The following BICRAL variants were observed in gnomAD, a reference collection of about 807,000 sequenced individuals.
The protein encoded by BICRAL is BICRA like chromatin remodeling complex associated protein.
BICRAL carries 8 observed loss-of-function variants against 91.8 expected under a neutral mutation model. That is an observed-to-expected ratio of 0.09 (90% CI 0.05 to 0.16). The LOEUF is 0.16. Ranked by LOEUF, BICRAL falls within the 10% of genes least tolerant of loss-of-function variation. The probability of loss-of-function intolerance (pLI) is 1.00; values close to 1 mark genes in which losing one functional copy is unlikely to be tolerated. For synonymous variants in BICRAL, 445 were observed against 491.1 expected (o/e 0.91, Z 1.24); for missense variants, 1,038 against 1,310.9 (o/e 0.79, Z 3.21).
In BICRAL at chr6:42,801,891, T is replaced by A. The variant is rs201053889; in HGVS notation, c.-101-8415T>A. Among the ~76,000 whole-genome samples the A allele has an allele frequency of 3.7e-3, 236 of 64,370 alleles. 1 individual carries two copies. The highest frequency in any genetic ancestry group is 0.014 in the African/African-American group (222 of 16,120). 42.2% of individuals were successfully genotyped at this position (64,370 alleles called of 152,430 possible). On this transcript the variant is annotated intron_variant, in intron 1 of 12. Transcript: ENST00000314073. ...GAGTGAGACTCCATCTCAAAAAAAA[T>A]AAATAAAAATAAAATGTTCCCTAAA...
At chr6:42,759,621 G>A (rs1261358422) in intron 1 of BICRAL, among the ~76,000 whole-genome samples, 1 of 152,160 alleles carries the variant, frequency 6.6e-6, no homozygotes, top group Admixed American at 6.5e-5. Context: ...GAACCTGGAG[G>A]AGAAGGTTTG....
chr6:42,860,099 G>A (rs1393697418), intron 10 of BICRAL, among the ~76,000 whole-genome samples, 163 bp from the exon 11 acceptor site: 3 of 152,230 alleles, frequency 2.0e-5, no homozygotes, highest in Non-Finnish European at 4.4e-5. Flanking sequence ...CAGTGTAGAA[G>A]GATGATGCTT....
At chr6:42,786,978 A>G (rs936215514) in intron 1 of BICRAL, among the ~76,000 whole-genome samples, 19 of 152,270 alleles carry the variant, frequency 1.2e-4, no homozygotes, top group Admixed American at 8.5e-4. Context: ...AGGGGTTTTA[A>G]TTTGGGCAGT....
In BICRAL at chr6:42,793,122, A is replaced by ATTTTTT. The variant is rs1159342197; in HGVS notation, c.-102+11055_-102+11060dup. ...AAGCGCATGCCACCATGCCCAGCTAATTTTTTTTTTTTTTTTTTTTTTTTT... is the reference window on the plus strand; with the variant it reads ...AAGCGCATGCCACCATGCCCAGCTAATTTTTTTTTTTTTTTTTTTTTTTTTTTTTTT... On this transcript the variant is annotated intron_variant, in intron 1 of 12. Coordinates refer to ENST00000314073, the MANE Select transcript of BICRAL (RefSeq NM_001393499.1). Among the ~76,000 whole-genome samples the ATTTTTT allele has an allele frequency of 1.5e-3, 57 of 37,254 alleles. 17 individuals are homozygous for ATTTTTT. The highest frequency in any genetic ancestry group is 2.1e-3 in the Non-Finnish European group (44 of 20,498). The allele number at this position is 37,254 out of a possible 152,430, so 24.4% of individuals were successfully genotyped here. A position where few individuals can be genotyped will look rare whatever the true frequency, so the allele number is the denominator to read the frequency against.
intron 6 of BICRAL, among the ~76,000 whole-genome samples, chr6:42,835,364 G>A (rs1764609147): frequency 6.6e-6 from 1 of 151,748 alleles, no homozygotes; most frequent in Non-Finnish European, 1.5e-5. Context: ...CCTGACCTCT[G>A]GTGATCCACC....
At chr6:42,793,596 T>A (rs978224635) in intron 1 of BICRAL, among the ~76,000 whole-genome samples, 10 of 151,382 alleles carry the variant, frequency 6.6e-5, no homozygotes, top group African/African-American at 2.2e-4. Flanking sequence ...ACCAGGTTGG[T>A]TTATTCTTAT....
intron 6 of BICRAL, among the ~76,000 whole-genome samples, chr6:42,850,729 C>G (rs921162737): frequency 2.0e-5 from 3 of 151,802 alleles, no homozygotes; most frequent in Non-Finnish European, 4.4e-5. Flanking sequence ...ACTAAAAATA[C>G]AAAAGATAGC....
chr6:42,809,430 A>ATTTTTTTTTT (rs989054840), intron 1 of BICRAL, among the ~76,000 whole-genome samples: 2 of 111,946 alleles, frequency 1.8e-5, no homozygotes, highest in Non-Finnish European at 1.8e-5. Context: ...AACTATGAGA[A>ATTTTTTTTTT]TTTTTTTTTT....
chr6:42,814,979 C>T (rs192392040), intron 2 of BICRAL, among the ~76,000 whole-genome samples: 165 of 149,194 alleles, frequency 1.1e-3, no homozygotes, highest in African/African-American at 3.8e-3. Context: ...GGTGCAATCT[C>T]AGCTCATTGC....
chr6:42,847,909 C>T (rs1381846596), intron 6 of BICRAL, among the ~76,000 whole-genome samples: 1 of 152,190 alleles, frequency 6.6e-6, no homozygotes, highest in Admixed American at 6.6e-5. Flanking sequence ...GCGGGCGGAT[C>T]ATGAGGTCAG....
chr6:42,855,806 T>C (rs777561216), intron 8 of BICRAL, 50 bp from the exon 9 acceptor site: 10 of 1,408,880 alleles, frequency 7.1e-6, no homozygotes, highest in Non-Finnish European at 1.0e-5. Context: ...TGTATAACTG[T>C]ATTCTTTTTT....
chr6:42,753,254 G>A (rs891509226), intron 1 of BICRAL, among the ~76,000 whole-genome samples: 1 of 152,014 alleles, frequency 6.6e-6, no homozygotes, highest in African/African-American at 2.4e-5. Flanking sequence ...TGTAGAGACA[G>A]GGTCTTGCTG....
In BICRAL at chr6:42,829,101, T is replaced by C. The variant is rs1344567705; in HGVS notation, c.768T>C (p.His256=). The part of the protein sequence containing the change: ...PSNVSGGLLV[H]RQTPNGNSLF... ...ATGTGAGTGGAGGGCTCCTGGTTCA[T>C]AGACAGACTCCTAATGGCAACTCCT... Residue 256 remains histidine (H), a synonymous_variant, in exon 6 of 13, where the codon CAT becomes CAC. Transcript: ENST00000314073. 1.2e-6 allele frequency: 2 copies of C among 1,614,072 alleles called. No homozygotes were observed. Among genetic ancestry groups the C allele is most frequent in the East Asian group, 2.2e-5 (1 of 44,890 alleles).
chr6:42,834,070 T>G (rs1250075525), intron 6 of BICRAL, among the ~76,000 whole-genome samples: 1 of 152,182 alleles, frequency 6.6e-6, no homozygotes, highest in Non-Finnish European at 1.5e-5. Flanking sequence ...GCCAGGCTGG[T>G]CTCGAACTCC....
chr6:42,856,508 G>C (rs1389858670), intron 9 of BICRAL, among the ~76,000 whole-genome samples: 1 of 150,436 alleles, frequency 6.6e-6, no homozygotes, highest in Non-Finnish European at 1.5e-5. Context: ...TGGAATAGCT[G>C]GGATTATAGG....
At chr6:42,746,452 C>T (rs1762275901), upstream of BICRAL, among the ~76,000 whole-genome samples, 1 of 151,006 alleles carries the variant, frequency 6.6e-6, no homozygotes, top group African/African-American at 2.4e-5. Context: ...CCCAGCTCCT[C>T]CCTACTACCC....
At chr6:42,815,391 C>T (rs1763963993) in intron 2 of BICRAL, among the ~76,000 whole-genome samples, 1 of 151,738 alleles carries the variant, frequency 6.6e-6, no homozygotes, top group Admixed American at 6.6e-5. Flanking sequence ...AGGGTTTCAC[C>T]ATGTTGGCCA....
chr6:42,787,885 G>A (rs1012071600), intron 1 of BICRAL, among the ~76,000 whole-genome samples: 6 of 146,356 alleles, frequency 4.1e-5, no homozygotes, highest in Admixed American at 1.3e-4. Context: ...AAAGAAGAGG[G>A]CTTTTTTTTT....
chr6:42,802,874 C>T (rs1763617732), intron 1 of BICRAL, among the ~76,000 whole-genome samples: 1 of 152,172 alleles, frequency 6.6e-6, no homozygotes, highest in East Asian at 1.9e-4. Flanking sequence ...AGCCACCACA[C>T]CCGGCTCCTC....
Sources: allele counts gnomAD v4.1 joint callset (sites outside exome capture counted in the v4.1 genomes callset), GRCh38; gene constraint gnomAD v4.1.1; transcripts MANE v1.5; gene names NCBI Gene and HGNC (gene_info 2026-07-23, HGNC 2026-07-21).